Variants in TNS3 observed in about 807,000 individuals in gnomAD.
TNS3 encodes tensin 3, also known as tensin-3.
TNS3 carries 45 observed loss-of-function variants against 140.9 expected under a neutral mutation model. That is an observed-to-expected ratio of 0.32 (90% CI 0.25 to 0.41). TNS3 has a LOEUF of 0.41. Ranked by LOEUF, TNS3 falls within the 10% of genes least tolerant of loss-of-function variation. TNS3 has a pLI of 1.00. For missense variants in TNS3, 1,716 were observed against 1,906.7 expected (o/e 0.90, Z 1.86); for synonymous variants, 815 against 788.4 (o/e 1.03, Z -0.56).
At chr7:47,356,527 C>T (rs977188513) in intron 17 of TNS3, among the ~76,000 whole-genome samples, 6 of 152,194 alleles carry the variant, frequency 3.9e-5, no homozygotes, top group African/African-American at 7.2e-5. Flanking sequence ...CCCCAGGTGA[C>T]TCCAACATGC....
At chr7:47,572,059 T>C (rs1435034807) in intron 1 of TNS3, among the ~76,000 whole-genome samples, 1 of 152,164 alleles carries the variant, frequency 6.6e-6, no homozygotes, top group Non-Finnish European at 1.5e-5. Flanking sequence ...CACTGCTAGG[T>C]GTGAGGCTGC....
chr7:47,432,231 G>A (rs181582650), intron 8 of TNS3, among the ~76,000 whole-genome samples: 1 of 152,304 alleles, frequency 6.6e-6, no homozygotes, highest in Admixed American at 6.5e-5. Flanking sequence ...TCATGAATGG[G>A]TTAATACATC....
chr7:47,324,489 C>A (rs530797675), intron 20 of TNS3, among the ~76,000 whole-genome samples: 2 of 152,212 alleles, frequency 1.3e-5, no homozygotes, highest in African/African-American at 2.4e-5. Flanking sequence ...AGGTGGCTCA[C>A]GCCTGTAATC....
intron 1 of TNS3, among the ~76,000 whole-genome samples, chr7:47,534,074 G>A (rs1337051121): frequency 1.3e-5 from 2 of 152,022 alleles, no homozygotes; most frequent in East Asian, 3.9e-4. Context: ...AGGAGTTCAA[G>A]ACCAGCCTGG....
intron 1 of TNS3, among the ~76,000 whole-genome samples, chr7:47,543,572 A>C (rs1048481967): frequency 2.0e-5 from 3 of 152,250 alleles, no homozygotes; most frequent in African/African-American, 7.2e-5. Flanking sequence ...CCTGACCCTC[A>C]AGATGGTCCA....
At chr7:47,380,510 A>G (rs185841497) in intron 16 of TNS3, among the ~76,000 whole-genome samples, 83 of 152,344 alleles carry the variant, frequency 5.4e-4, no homozygotes, top group African/African-American at 1.9e-3. Context: ...TTGCAAACCA[A>G]TAAAGGCATT....
chr7:47,532,422 G>A (rs1317286493), intron 1 of TNS3, among the ~76,000 whole-genome samples: 1 of 152,186 alleles, frequency 6.6e-6, no homozygotes, highest in East Asian at 1.9e-4. Context: ...AGGACAGAGA[G>A]AATGGAGAGA....
intron 17 of TNS3, among the ~76,000 whole-genome samples, chr7:47,364,375 T>C (rs898983452): frequency 1.3e-5 from 2 of 150,486 alleles, no homozygotes; most frequent in Non-Finnish European, 2.9e-5. Context: ...CTCTGCCTCC[T>C]GGGTTCAAGT....
chr7:47,361,206 C>CAAAAAAAAAAAAA (rs56823708), intron 17 of TNS3, among the ~76,000 whole-genome samples: 958 of 46,974 alleles, frequency 0.02, 96 homozygotes, highest in Middle Eastern at 0.053. Flanking sequence ...GTAACCATGC[C>CAAAAAAAAAAAAA]AAAAAAAAAA....
chr7:47,380,770 GCACA>G (rs371316636), intron 16 of TNS3, among the ~76,000 whole-genome samples: 6 of 150,360 alleles, frequency 4.0e-5, no homozygotes, highest in South Asian at 2.1e-4. Context: ...GCACGCGCGC[GCACA>G]CACACACACA....
chr7:47,458,939 T>C (rs535843144), intron 4 of TNS3, among the ~76,000 whole-genome samples: 12 of 152,166 alleles, frequency 7.9e-5, no homozygotes, highest in Non-Finnish European at 1.8e-4. Context: ...CTCCCTCCCA[T>C]ACCCCAAGAT....
At chr7:47,521,724 C>T (rs1175504449) in intron 2 of TNS3, among the ~76,000 whole-genome samples, 1 of 152,148 alleles carries the variant, frequency 6.6e-6, no homozygotes, top group East Asian at 1.9e-4. Context: ...AAAATGAGCC[C>T]TGTGCAGCCG....
At chr7:47,310,661 AGAT>A (rs1426340039) in intron 20 of TNS3, among the ~76,000 whole-genome samples, 1 of 152,252 alleles carries the variant, frequency 6.6e-6, no homozygotes, top group Non-Finnish European at 1.5e-5. Context: ...TAAAAGCCAC[AGAT>A]ACTAACATAA....
At chr7:47,427,733 A>C (rs986413674) in intron 9 of TNS3, among the ~76,000 whole-genome samples, 2 of 152,204 alleles carry the variant, frequency 1.3e-5, no homozygotes, top group African/African-American at 4.8e-5. Flanking sequence ...AAACCAGCCC[A>C]GACCTGGCTC....
chr7:47,297,081 C>T lies in TNS3; in HGVS notation c.3676+1G>A. On this transcript the variant is annotated splice_donor_variant, in intron 24 of 30. Coordinates refer to ENST00000311160, the MANE Select transcript of TNS3 (RefSeq NM_022748.12). LOFTEE classifies it high-confidence loss of function. ...AGATCAATAGGGAGCAGTAACCTTA[C>T]CTTTCTTGTTCAGCTGCAGGACTGA... 1 of 1,614,108 alleles carries T rather than the reference C, an allele frequency of 6.2e-7. No homozygotes were observed. The highest frequency in any genetic ancestry group is 8.5e-7 in the Non-Finnish European group (1 of 1,180,022).
chr7:47,303,014 A>C lies in TNS3; in HGVS notation c.3393T>G (p.Ser1131Arg), dbSNP rs757342481. The C allele has an allele frequency of 6.2e-6, 10 of 1,613,826 alleles. No individual in the cohort carries two copies. In the Admixed American group the frequency reaches 1.7e-4, roughly 27 times the overall value. The change falls in exon 22 of 31, where the codon AGT becomes AGG. Residue 1131 changes from serine to arginine, a missense_variant. By Grantham distance (110) the Ser-to-Arg change is moderately radical (BLOSUM62 -1). Transcript: ENST00000311160. ...FSSPHSGSTI[S>R]IPFPNVLPDF... Reference sequence around the variant, plus strand: ...CGGGAAGGACATTTGGGAAGGGGATACTGATGGTGCTCCCGCTGTGCGGGC... The same window carrying C: ...CGGGAAGGACATTTGGGAAGGGGATCCTGATGGTGCTCCCGCTGTGCGGGC...
At position 47,276,786 on chromosome 7, in the gene TNS3, G is replaced by T. The variant is rs973988541; in HGVS notation, c.*1290C>A. ...AGTGGCACTCAAAAACAGCTTGTCA[G>T]TACCGGGGTTTCTTCTCTTTTTCCT... is the stretch of plus-strand genomic sequence containing the variant. On this transcript the variant is annotated 3_prime_UTR_variant, in exon 31 of 31. Transcript: ENST00000311160. 4 of 152,256 alleles carry T rather than the reference G, an allele frequency of 2.6e-5. No individual in the cohort carries two copies. The highest frequency in any genetic ancestry group is 4.4e-5 in the Non-Finnish European group (3 of 68,088). The allele number at this position is 152,256 out of a possible 1,614,324, so 9.4% of individuals were successfully genotyped here.
chr7:47,344,708 C>A, intron 20 of TNS3, 47 bp downstream of exon 20: 2 of 1,556,564 alleles, frequency 1.3e-6, no homozygotes, highest in South Asian at 2.2e-5. Context: ...CCCCGCGATG[C>A]AGCGCCTGAG....
intron 24 of TNS3, among the ~76,000 whole-genome samples, chr7:47,294,981 C>T (rs1785923086): frequency 6.6e-6 from 1 of 152,160 alleles, no homozygotes; most frequent in Non-Finnish European, 1.5e-5. Flanking sequence ...GTCCCATCTC[C>T]AGTTTACTGG....
Sources: allele counts gnomAD v4.1 joint callset (sites outside exome capture counted in the v4.1 genomes callset), GRCh38; gene constraint gnomAD v4.1.1; transcripts MANE v1.5; gene names NCBI Gene and HGNC (gene_info 2026-07-23, HGNC 2026-07-21).